The following CDH18 variants were observed in gnomAD, a reference collection of about 807,000 sequenced individuals.
CDH18 encodes cadherin-18.
In CDH18, 31 loss-of-function variants were observed where a neutral mutation model predicts 67.9. The ratio of observed to expected loss-of-function variants is 0.46; its 90% CI spans 0.34 to 0.62. The LOEUF is 0.62. CDH18 is among the 20% of genes least tolerant of loss of function. CDH18 has a pLI of 0.01. For missense variants in CDH18, 890 were observed against 975.5 expected (o/e 0.91, Z 1.17); for synonymous variants, 362 against 347.2 (o/e 1.04, Z -0.48).
intron 2 of CDH18, among the ~76,000 whole-genome samples, chr5:20,182,432 G>A (rs535969536): frequency 6.8e-4 from 103 of 151,480 alleles, no homozygotes; most frequent in South Asian, 2.1e-3. Context: ...GAGAAACCCC[G>A]TCTCTACTAA....
intron 3 of CDH18, among the ~76,000 whole-genome samples, chr5:19,807,561 C>T (rs1231318675): frequency 6.6e-6 from 1 of 152,034 alleles, no homozygotes; most frequent in East Asian, 1.9e-4. Context: ...TTCTCTCTCT[C>T]CTCACTACAT....
chr5:20,038,267 A>T (rs1231004684), intron 2 of CDH18, among the ~76,000 whole-genome samples: 1 of 152,178 alleles, frequency 6.6e-6, no homozygotes, highest in African/African-American at 2.4e-5. Flanking sequence ...ATTCTACCAG[A>T]GGTATGAAGA....
chr5:20,264,443 T>C (rs895778470), intron 1 of CDH18, among the ~76,000 whole-genome samples: 1 of 152,074 alleles, frequency 6.6e-6, no homozygotes, highest in Non-Finnish European at 1.5e-5. Flanking sequence ...TATGAAAATA[T>C]TTAATTTAAT....
intron 2 of CDH18, among the ~76,000 whole-genome samples, chr5:19,962,395 A>AAAAAAAAAAAAAAAAAAAAAAAAAT (rs58319680): frequency 2.6e-5 from 3 of 117,058 alleles, no homozygotes; most frequent in Non-Finnish European, 5.2e-5. Context: ...AAAAAAAAAA[A>AAAAAAAAAAAAAAAAAAAAAAAAAT]AGAAAATTCA....
chr5:19,628,046 A>C (rs1293018019), intron 5 of CDH18, among the ~76,000 whole-genome samples: 2 of 152,156 alleles, frequency 1.3e-5, no homozygotes, highest in African/African-American at 4.8e-5. Context: ...TTTGAACTGT[A>C]GCTCCCATAA....
At chr5:20,192,075 A>C (rs1033474437) in intron 2 of CDH18, among the ~76,000 whole-genome samples, 1 of 151,796 alleles carries the variant, frequency 6.6e-6, no homozygotes. Flanking sequence ...ATGGTATCTC[A>C]TTGTGGTTTT....
Position 20,078,817 on chromosome 5 carries a change from C to T in CDH18, c.-517-86803G>A, listed in dbSNP as rs1367663669. ...TTTTAGCAGAGACAGGGTCTCGCCA[C>T]GTTGGCCAGGCTGGTCTTGAACTCC... is the stretch of plus-strand genomic sequence containing the variant. On this transcript the variant is annotated intron_variant, in intron 2 of 14. Coordinates refer to the CDH18 transcript ENST00000507958. Among the ~76,000 whole-genome samples, 7 of 152,126 alleles carry T rather than the reference C, an allele frequency of 4.6e-5. 1 individual carries two copies. Among genetic ancestry groups the T allele is most frequent in the Admixed American group, 2.6e-4 (4 of 15,272 alleles).
chr5:20,231,550 G>A (rs1742078593), intron 2 of CDH18, among the ~76,000 whole-genome samples: 1 of 151,570 alleles, frequency 6.6e-6, no homozygotes, highest in African/African-American at 2.4e-5. Flanking sequence ...AGTGAGCCAA[G>A]ATCGCACCAT....
chr5:20,513,352 T>A (rs1755161843), intron 1 of CDH18, among the ~76,000 whole-genome samples: 1 of 152,158 alleles, frequency 6.6e-6, no homozygotes, highest in South Asian at 2.1e-4. Flanking sequence ...ATCTCTTAAT[T>A]GTCATTACAA....
At chr5:19,915,388 C>CA (rs1161206150) in intron 2 of CDH18, among the ~76,000 whole-genome samples, 2 of 152,110 alleles carry the variant, frequency 1.3e-5, no homozygotes, top group Non-Finnish European at 2.9e-5. Context: ...CCTGCACAGT[C>CA]AAAAATCCTA....
At chr5:20,564,318 C>T (rs1483951940) in intron 1 of CDH18, among the ~76,000 whole-genome samples, 1 of 129,996 alleles carries the variant, frequency 7.7e-6, no homozygotes, top group East Asian at 2.2e-4. Flanking sequence ...CGCTCTGTCA[C>T]CCAGGCTGGA....
intron 2 of CDH18, among the ~76,000 whole-genome samples, chr5:20,242,611 A>ATATATACATTT (rs1334205442): frequency 2.5e-5 from 1 of 39,486 alleles, no homozygotes; most frequent in African/African-American, 1.1e-4. Flanking sequence ...AAAAAAAAAA[A>ATATATACATTT]ATATATATAT....
intron 2 of CDH18, among the ~76,000 whole-genome samples, chr5:20,133,988 T>C (rs1031592677): frequency 6.6e-6 from 1 of 152,200 alleles, no homozygotes; most frequent in African/African-American, 2.4e-5. Flanking sequence ...TTTTCTTTAA[T>C]TTTCTTTTTT....
intron 3 of CDH18, among the ~76,000 whole-genome samples, chr5:19,749,725 A>G (rs1770588577): frequency 6.6e-6 from 1 of 151,100 alleles, no homozygotes. Flanking sequence ...TAATTCAGAT[A>G]TAAAAATAAA....
chr5:19,707,305 A>C (rs1179673313), intron 5 of CDH18, among the ~76,000 whole-genome samples: 2 of 152,202 alleles, frequency 1.3e-5, no homozygotes, highest in African/African-American at 4.8e-5. Flanking sequence ...AAACCTGAGG[A>C]AAGCAGGACA....
At position 20,167,070 on chromosome 5, in the gene CDH18, C is replaced by T. The variant is rs530027038; in HGVS notation, c.-518+88374G>A. ...TTTTATATTTGCTGTAACTATGAAT[C>T]ACACACATAAAAATAAAAGTCTCTT... is the stretch of plus-strand genomic sequence containing the variant. On this transcript the variant is annotated intron_variant, in intron 2 of 14. Transcript: ENST00000507958. 3.3e-5 allele frequency among the ~76,000 whole-genome samples: 5 copies of T among 152,178 alleles called. No individual in the cohort carries two copies. The South Asian group carries it at 6.2e-4, about 19-fold the overall frequency.
chr5:19,512,324 C>G (rs375595968), intron 10 of CDH18, among the ~76,000 whole-genome samples: 12 of 152,236 alleles, frequency 7.9e-5, no homozygotes, highest in African/African-American at 2.6e-4. Context: ...AAAACAATGT[C>G]TGATGCAAAC....
chr5:19,616,491 C>G (rs889919377), intron 5 of CDH18, among the ~76,000 whole-genome samples: 2 of 152,086 alleles, frequency 1.3e-5, no homozygotes, highest in African/African-American at 4.8e-5. Context: ...TATTGCAATG[C>G]TCCTTTTCAT....
At chr5:20,284,870 T>C (rs1335906374) in intron 1 of CDH18, among the ~76,000 whole-genome samples, 1 of 151,944 alleles carries the variant, frequency 6.6e-6, no homozygotes, top group Non-Finnish European at 1.5e-5. Context: ...ATAGCCATAG[T>C]GTAGAAGGTT....
Sources: gnomAD v4.1 joint callset for allele counts (sites outside exome capture counted in the v4.1 genomes callset) on GRCh38, gnomAD v4.1.1 for gene constraint, MANE v1.5 for transcripts, NCBI Gene and HGNC (gene_info 2026-07-23, HGNC 2026-07-21) for gene names.